The following RAB38 variants were observed in gnomAD, a reference collection of about 807,000 sequenced individuals.
RAB38 encodes the protein RAB38, member RAS oncogene family, also known as ras-related protein Rab-38.
Under a neutral mutation model 18.4 loss-of-function variants are expected in RAB38, and 15 were observed. The observed-to-expected ratio is 0.82, with a 90% CI of 0.55 to 1.26. RAB38 has a LOEUF of 1.26. RAB38 is among the 50% of genes most tolerant of loss of function. The pLI is 0.00. For missense variants in RAB38, 294 were observed against 267.4 expected (o/e 1.10, Z -0.69); for synonymous variants, 101 against 104.4 (o/e 0.97, Z 0.20).
At chr11:87,949,959 C>G in the RAB38 span, among the ~76,000 whole-genome samples, 12 of 152,236 alleles carry the variant, frequency 7.9e-5, no homozygotes, top group Non-Finnish European at 1.3e-4. Flanking sequence ...AACTTTCTGT[C>G]TCATTGATCT....
At chr11:88,043,979 C>T in the RAB38 span, among the ~76,000 whole-genome samples, 1 of 152,114 alleles carries the variant, frequency 6.6e-6, no homozygotes, top group South Asian at 2.1e-4. Flanking sequence ...CTCTCTTCTC[C>T]AACCTCTCTC....
intron 2 of RAB38, among the ~76,000 whole-genome samples, chr11:88,143,351 T>C (rs936960727): frequency 6.6e-6 from 1 of 152,248 alleles, no homozygotes; most frequent in African/African-American, 2.4e-5. Flanking sequence ...AAGGGTCAGA[T>C]GGTAAATAAT....
At chr11:87,870,578 T>TA in the RAB38 span, among the ~76,000 whole-genome samples, 4 of 151,646 alleles carry the variant, frequency 2.6e-5, no homozygotes, top group African/African-American at 9.7e-5. Context: ...TTCTTGTTTT[T>TA]AGTTCGGTGT....
chr11:88,068,202 C>A, the RAB38 span, among the ~76,000 whole-genome samples: 2 of 151,620 alleles, frequency 1.3e-5, no homozygotes, highest in Non-Finnish European at 2.9e-5. Flanking sequence ...ACCAGTGGAC[C>A]CCTACTCCTT....
At chr11:87,958,615 C>T in the RAB38 span, among the ~76,000 whole-genome samples, 1 of 152,132 alleles carries the variant, frequency 6.6e-6, no homozygotes, top group Non-Finnish European at 1.5e-5. Context: ...AGCAAGAAAC[C>T]TAAAGATGTC....
chr11:87,806,871 T>C, the RAB38 span, among the ~76,000 whole-genome samples: 1 of 152,190 alleles, frequency 6.6e-6, no homozygotes, highest in African/African-American at 2.4e-5. Flanking sequence ...AGGCATTTAG[T>C]CAGGTATTCC....
chr11:87,945,878 T>C, the RAB38 span, among the ~76,000 whole-genome samples: 3 of 152,186 alleles, frequency 2.0e-5, no homozygotes, highest in Admixed American at 1.3e-4. Flanking sequence ...TTAGCTTTTA[T>C]TGGAAATCTT....
chr11:88,055,301 C>T, the RAB38 span, among the ~76,000 whole-genome samples: 1 of 152,096 alleles, frequency 6.6e-6, no homozygotes, highest in South Asian at 2.1e-4. Flanking sequence ...ATACAGATGT[C>T]AATTATTATT....
At position 88,114,149 on chromosome 11, in the gene RAB38, G is replaced by A. The variant is rs1457287547; in HGVS notation, c.484-9C>T. On this transcript the variant is annotated splice_polypyrimidine_tract_variant and intron_variant, in intron 2 of 2. Coordinates refer to ENST00000243662, the MANE Select transcript of RAB38 (RefSeq NM_022337.3). ...TCAATGTTTATATTTTCCTATGAGG[G>A]AAAAAATAAAACAGCTTTTCTTATT... 6.2e-7 allele frequency: 1 copy of A among 1,613,184 alleles called. No individual in the cohort carries two copies. The highest frequency in any genetic ancestry group is 1.7e-5 in the Admixed American group (1 of 59,834).
intron 1 of RAB38, among the ~76,000 whole-genome samples, chr11:88,154,785 T>C (rs1403369917): frequency 6.6e-6 from 1 of 152,210 alleles, no homozygotes; most frequent in Non-Finnish European, 1.5e-5. Flanking sequence ...AGGGCAGATC[T>C]CTGGGCATTC....
At chr11:88,042,925 T>C in the RAB38 span, among the ~76,000 whole-genome samples, 4 of 152,178 alleles carry the variant, frequency 2.6e-5, no homozygotes, top group South Asian at 4.1e-4. Context: ...AAAATTTGAC[T>C]TGCTAAAGCA....
At chr11:88,092,877 G>A in the RAB38 span, among the ~76,000 whole-genome samples, 5 of 151,794 alleles carry the variant, frequency 3.3e-5, no homozygotes, top group African/African-American at 9.7e-5. Context: ...GATGCCTAGA[G>A]ACATGAGAGT....
the RAB38 span, among the ~76,000 whole-genome samples, chr11:87,905,848 G>A: frequency 6.6e-6 from 1 of 151,894 alleles, no homozygotes; most frequent in Non-Finnish European, 1.5e-5. Context: ...TGATTCTCTT[G>A]TACTCTGACT....
the RAB38 span, among the ~76,000 whole-genome samples, chr11:87,940,583 T>C: frequency 6.6e-6 from 1 of 151,948 alleles, no homozygotes; most frequent in South Asian, 2.1e-4. Flanking sequence ...GAAATAGATA[T>C]ATGTACATAT....
the RAB38 span, among the ~76,000 whole-genome samples, chr11:87,945,307 C>T: frequency 6.6e-6 from 1 of 152,048 alleles, no homozygotes; most frequent in Non-Finnish European, 1.5e-5. Context: ...AGTACATTTA[C>T]AAATGTGGAC....
chr11:87,972,744 A>G, the RAB38 span, among the ~76,000 whole-genome samples: 2 of 152,134 alleles, frequency 1.3e-5, no homozygotes, highest in South Asian at 4.2e-4. Flanking sequence ...TAAGTCAGAA[A>G]CCAAAATAAA....
At chr11:88,013,737 T>C in the RAB38 span, among the ~76,000 whole-genome samples, 1 of 152,148 alleles carries the variant, frequency 6.6e-6, no homozygotes, top group African/African-American at 2.4e-5. Context: ...CTAGAGTTTA[T>C]GGTTTACTAA....
At chr11:87,855,620 T>C in the RAB38 span, among the ~76,000 whole-genome samples, 1 of 152,208 alleles carries the variant, frequency 6.6e-6, no homozygotes, top group Non-Finnish European at 1.5e-5. Flanking sequence ...AAATAATGTT[T>C]CATAATTATT....
At chr11:87,950,838 C>G in the RAB38 span, among the ~76,000 whole-genome samples, 1 of 152,092 alleles carries the variant, frequency 6.6e-6, no homozygotes, top group Non-Finnish European at 1.5e-5. Flanking sequence ...TCATTTCAAC[C>G]TTGGTGAATC....
Sources: gnomAD v4.1 joint callset for allele counts (sites outside exome capture counted in the v4.1 genomes callset) on GRCh38, gnomAD v4.1.1 for gene constraint, MANE v1.5 for transcripts, NCBI Gene and HGNC (gene_info 2026-07-23, HGNC 2026-07-21) for gene names.